SLC4A11: variants seen among roughly 807,000 people sequenced by gnomAD.
SLC4A11 encodes bicarbonate transporter related protein 1.
Under a neutral mutation model 95.0 loss-of-function variants are expected in SLC4A11, and 74 were observed. The ratio of observed to expected loss-of-function variants is 0.78; its 90% confidence interval spans 0.65 to 0.95. The LOEUF is 0.95. SLC4A11 is among the 40% of genes least tolerant of loss of function. The pLI is 0.00. For synonymous variants in SLC4A11, 548 were observed against 519.0 expected, an observed-to-expected ratio of 1.06 and a Z score of -0.76; for missense variants, 1,081 against 1,192.4, an observed-to-expected ratio of 0.91 and a Z score of 1.38.
rs1568529402 is a variant in SLC4A11 at position 3,229,083 on chromosome 20, C to T, written c.2018+12G>A. 6.3e-7 allele frequency: 1 copy of T among 1,579,926 alleles called. No homozygotes were observed. The highest frequency in any genetic ancestry group is 8.6e-7 in the Non-Finnish European group (1 of 1,166,030). Reference sequence around the variant, plus strand: ...GGGCCCCGCCCACCCCACCCTCACCCACCCTCCACACCTGTTCTCCGGTGC... The same window carrying T: ...GGGCCCCGCCCACCCCACCCTCACCTACCCTCCACACCTGTTCTCCGGTGC... On this transcript the variant is annotated intron_variant, in intron 16 of 19. Coordinates refer to ENST00000642402, the MANE Select transcript of SLC4A11 (RefSeq NM_001174089.2).
chr20:3,235,834 C>T (rs988233260), intron 2 of SLC4A11, among the ~76,000 whole-genome samples: 2 of 152,116 alleles, frequency 1.3e-5, no homozygotes, highest in African/African-American at 4.8e-5. Context: ...CCGGTCAGCA[C>T]CCTAGGCATG....
At position 3,234,854 on chromosome 20, in the gene SLC4A11, T is replaced by C; in HGVS notation, c.129A>G (p.Arg43=). 6.2e-7 allele frequency: 1 copy of C among 1,613,998 alleles called. No individual in the cohort carries two copies. Among genetic ancestry groups the C allele is most frequent in the Non-Finnish European group, 8.5e-7 (1 of 1,180,010 alleles). The change falls in exon 3 of 20, where the codon CGA becomes CGG. Residue 43 remains arginine, a synonymous_variant. Coordinates refer to ENST00000642402, the MANE Select transcript of SLC4A11 (RefSeq NM_001174089.2). The surrounding 1 kb of genome is among the most constrained non-coding windows in gnomAD (Gnocchi z 5.8). ...AGGCCTCATCCCCCAGGATCTCCTC[T>C]CGGGCTTCGAAGGTGTCATCTGTGT... The part of the protein sequence containing the change: ...KCDTDDTFEA[R]EEILGDEAFD...
At position 3,229,870 on chromosome 20, in the gene SLC4A11, G is replaced by C. The variant is rs1461616632; in HGVS notation, c.1490-94C>G. 3.2e-6 allele frequency: 5 copies of C among 1,553,624 alleles called. No individual in the cohort carries two copies. The African/African-American group carries it at 4.1e-5, about 13-fold the overall frequency. On this transcript the variant is annotated intron_variant, in intron 13 of 19. Coordinates refer to ENST00000642402, the MANE Select transcript of SLC4A11 (RefSeq NM_001174089.2). ...GATCTCAGGGAGAAAGGGCTCCAGG[G>C]GGAAGGTGAGGGGACCCTGCCGACG...
Position 3,229,028 on chromosome 20 carries a change from C to A in SLC4A11, c.2019-17G>T, listed in dbSNP as rs201082919. On this transcript the variant is annotated splice_polypyrimidine_tract_variant and intron_variant, in intron 16 of 19. Coordinates refer to ENST00000642402, the MANE Select transcript of SLC4A11 (RefSeq NM_001174089.2). ...TTCACCAGCCTGCAGCAGACGGGCA[C>A]TCGTGGACAGAGCCCCACAGCAGAG... 15 of 1,610,622 alleles carry A rather than the reference C, an allele frequency of 9.3e-6. No homozygotes were observed. Among genetic ancestry groups the A allele is most frequent in the African/African-American group, 1.3e-5 (1 of 74,856 alleles).
In SLC4A11 at chr20:3,231,087, T is replaced by C; in HGVS notation, c.1043-29A>G. The stretch of plus-strand genomic sequence containing the variant: ...GGAATGGGGGATGGGAGAGAGGGTT[T>C]GCTGGGGATGCAGGACAGGCACACG... On this transcript the variant is annotated intron_variant, in intron 9 of 19. Transcript: ENST00000642402. The surrounding 1 kb of genome is among the most constrained non-coding windows in gnomAD (Gnocchi z 5.2). 1 of 1,614,012 alleles carries C rather than the reference T, an allele frequency of 6.2e-7. No homozygotes were observed. Among genetic ancestry groups the C allele is most frequent in the Non-Finnish European group, 8.5e-7 (1 of 1,179,978 alleles).
intron 2 of SLC4A11, among the ~76,000 whole-genome samples, 199 bp downstream of exon 2, chr20:3,237,345 G>A (rs2068012585): frequency 7.5e-6 from 1 of 133,234 alleles, no homozygotes; most frequent in African/African-American, 2.6e-5. Flanking sequence ...CAGGAGAATG[G>A]GCAGCCTGCC....
chr20:3,229,038 G>A (rs758498372), intron 16 of SLC4A11, 27 bp from the exon 17 acceptor site: 28 of 1,605,920 alleles, frequency 1.7e-5, no homozygotes. Flanking sequence ...CTCGTGGACA[G>A]AGCCCCACAG....
chr20:3,230,813 C>T lies in SLC4A11; in HGVS notation c.1201G>A (p.Gly401Arg), dbSNP rs1233324021. Residue 401 changes from glycine (G) to arginine (R), a missense_variant, in exon 11 of 20, where the codon GGG (glycine) becomes AGG (arginine). Physicochemically the swap from Gly to Arg is moderately radical, Grantham distance 125 (BLOSUM62 -2). Coordinates refer to ENST00000642402, the MANE Select transcript of SLC4A11 (RefSeq NM_001174089.2). ...VQKTIAGQSI[G>R]GLLYALFSGQ... ...GAGAAGAGCGCGTAGAGCAGGCCCC[C>T]GATGCTCTGCCCGGCTATGGTCTTC... 2.5e-6 allele frequency: 4 copies of T among 1,613,314 alleles called. No individual in the cohort carries two copies. The highest frequency in any genetic ancestry group is 2.2e-5 in the East Asian group (1 of 44,840).
rs759531557 is a variant in SLC4A11, at chr20:3,229,152, A to G, written c.1961T>C (p.Met654Thr). 2.5e-6 allele frequency: 4 copies of G among 1,610,830 alleles called. No homozygotes were observed. Among genetic ancestry groups the G allele is most frequent in the Admixed American group, 1.7e-5 (1 of 59,722 alleles). Residue 654 changes from methionine to threonine, a missense_variant, in exon 16 of 20, where the codon ATG (methionine) becomes ACG (threonine). This residue lies in a region of SLC4A11 where 767 missense variants were observed against 858.0 expected (regional missense o/e 0.89). Transcript: ENST00000642402. ...GAMGLGFLLSMLFFIEQNLVA... is the reference protein window; with the variant it reads ...GAMGLGFLLSTLFFIEQNLVA... Reference sequence around the variant, plus strand: ...CAAGTTCTGCTCGATGAAGAAGAGCATGGACAGCAGGAAGCCGAGGCCCAT... The same window carrying G: ...CAAGTTCTGCTCGATGAAGAAGAGCGTGGACAGCAGGAAGCCGAGGCCCAT...
chr20:3,229,060 G>GGCGCCCCCCCCCCCCCCCCCCCCCCCC, intron 16 of SLC4A11, 35 bp downstream of exon 16: 1 of 1,542,150 alleles, frequency 6.5e-7, no homozygotes, highest in Non-Finnish European at 8.7e-7. Context: ...AGAGGCCCGG[G>GGCGCCCCCCCCCCCCCCCCCCCCCCCC]CCCCGCCCAC....
Position 3,231,165 on chromosome 20 carries a change from G to A in SLC4A11, c.1026C>T (p.Pro342=). ...EDIARRFPLY[P]LDFTDGIIGK... is the part of the protein sequence containing the mutation. ...GCCACGTACCATCAGTGAAGTCCAA[G>A]GGGTACAAGGGGAACCTGCGTGCGA... Residue 342 remains proline, a synonymous_variant, in exon 9 of 20, where the codon CCC becomes CCT. Coordinates refer to ENST00000642402, the MANE Select transcript of SLC4A11 (RefSeq NM_001174089.2). This position sits in a 1 kb window ranked among gnomAD's most constrained non-coding sequence, Gnocchi z 5.2. The A allele has an allele frequency of 6.2e-7, 1 of 1,614,178 alleles. No individual in the cohort carries two copies. The highest frequency in any genetic ancestry group is 8.5e-7 in the Non-Finnish European group (1 of 1,180,032).
chr20:3,239,392 C>T, upstream of SLC4A11: 10 of 1,101,864 alleles, frequency 9.1e-6, no homozygotes, highest in Non-Finnish European at 1.1e-5. Context: ...CCCCGCCGCC[C>T]GCAGCTGCTG....
intron 7 of SLC4A11, among the ~76,000 whole-genome samples, chr20:3,233,242 G>A (rs1383707755): frequency 6.6e-6 from 1 of 152,150 alleles, no homozygotes; most frequent in Non-Finnish European, 1.5e-5. Context: ...GCTGGCGGGC[G>A]GGCAGGCCAG....
Position 3,230,639 on chromosome 20 carries a change from C to T in SLC4A11, c.1291G>A (p.Val431Ile), listed in dbSNP as rs760872795. The change falls in exon 12 of 20, where the codon GTC becomes ATC. Residue 431 changes from valine (V) to isoleucine (I), a missense_variant. Around this residue, in one of 3 missense-constraint regions of SLC4A11, gnomAD observed 767 missense variants for 858.0 expected, o/e 0.89. Transcript: ENST00000642402. ...PLALYIQVIR[V>I]ICDDYDLDFN... ...TCCAGGTCATAGTCATCACAGATGA[C>T]ACGAATCACTGCAGGCAGGGGGCAG... is the stretch of plus-strand genomic sequence containing the variant. The T allele has an allele frequency of 2.5e-6, 4 of 1,613,602 alleles. No individual in the cohort carries two copies. The South Asian group carries it at 4.4e-5, about 18-fold the overall frequency.
chr20:3,228,146 A>ACC, intron 19 of SLC4A11, 113 bp downstream of exon 19: 11 of 428,884 alleles, frequency 2.6e-5, no homozygotes, highest in Non-Finnish European at 4.0e-5. Flanking sequence ...ACCCACCCCA[A>ACC]CCCGCCCATT....
intron 15 of SLC4A11, 24 bp from the exon 16 acceptor site, chr20:3,229,287 C>T (rs564845011): frequency 6.2e-7 from 1 of 1,613,092 alleles, no homozygotes; most frequent in Non-Finnish European, 8.5e-7. Context: ...CAGGCTACTG[C>T]TATGCCTGCA....
At chr20:3,239,047 G>T in intron 1 of SLC4A11, 48 bp downstream of exon 1, 1 of 1,465,840 alleles carries the variant, frequency 6.8e-7, no homozygotes, top group Non-Finnish European at 9.0e-7. Flanking sequence ...AGACGGTGGC[G>T]GAGACCCGGG....
Position 3,231,586 on chromosome 20 carries a change from G to C in SLC4A11, c.730-38C>G. 7.0e-7 allele frequency: 1 copy of C among 1,437,314 alleles called. No individual in the cohort carries two copies. Among genetic ancestry groups the C allele is most frequent in the Non-Finnish European group, 9.7e-7 (1 of 1,028,380 alleles). The allele number at this position is 1,437,314 out of a possible 1,614,324, so 89.0% of individuals were successfully genotyped here. A position where few individuals can be genotyped will look rare whatever the true frequency, so the allele number is the denominator to read the frequency against. ...GATGGGAGTCACCCCTAGAAACAGAGGAGGCCCTGCCCGGGCCGAGCAGGT... is the reference window on the plus strand; with the variant it reads ...GATGGGAGTCACCCCTAGAAACAGACGAGGCCCTGCCCGGGCCGAGCAGGT... On this transcript the variant is annotated intron_variant, in intron 7 of 19. Coordinates refer to ENST00000642402, the MANE Select transcript of SLC4A11 (RefSeq NM_001174089.2). The surrounding 1 kb of genome is among the most constrained non-coding windows in gnomAD (Gnocchi z 5.2).
Position 3,231,036 on chromosome 20 carries a change from A to G in SLC4A11, c.1065T>C (p.Ala355=), listed in dbSNP as rs2067751441. 1.9e-6 allele frequency: 3 copies of G among 1,613,922 alleles called. No individual in the cohort carries two copies. The highest frequency in any genetic ancestry group is 1.7e-5 in the Admixed American group (1 of 60,010). The change falls in exon 10 of 20, where the codon GCT becomes GCC. Residue 355 remains alanine, a synonymous_variant. Coordinates refer to ENST00000642402, the MANE Select transcript of SLC4A11 (RefSeq NM_001174089.2). The surrounding 1 kb of genome is among the most constrained non-coding windows in gnomAD (Gnocchi z 5.2). The part of the protein sequence containing the change: ...FTDGIIGKNK[A]VGKYITTTLF... ...GGGTGGTGGTGATGTATTTGCCCAC[A>G]GCCTTGTTTTTCCCAATAATGCCTA... is the stretch of plus-strand genomic sequence containing the variant.
Sources: gnomAD v4.1 joint callset for allele counts (sites outside exome capture counted in the v4.1 genomes callset) on GRCh38, gnomAD v4.1.1 for gene constraint, gnomAD v4.1.1 regional missense constraint, Gnocchi (gnomAD v3.1) non-coding constraint, MANE v1.5 for transcripts, NCBI Gene and HGNC (gene_info 2026-07-23, HGNC 2026-07-21) for gene names.